Variants in TRAPPC9 observed in about 807,000 individuals in gnomAD.
The protein encoded by TRAPPC9 is IKK2 binding protein.
TRAPPC9 carries 83 observed loss-of-function variants against 124.0 expected under a neutral mutation model. The ratio of observed to expected loss-of-function variants is 0.67; its 90% confidence interval spans 0.56 to 0.80. The LOEUF (loss-of-function observed/expected upper bound fraction) is 0.80. Among genes scored for constraint, TRAPPC9 ranks in the 30% least tolerant of loss-of-function variants. The pLI is 0.00. For missense variants in TRAPPC9, 1,302 were observed against 1,508.3 expected, an observed-to-expected ratio of 0.86 and a Z score of 2.27; for synonymous variants, 638 against 617.5, an observed-to-expected ratio of 1.03 and a Z score of -0.49.
intron 17 of TRAPPC9, among the ~76,000 whole-genome samples, chr8:140,033,658 G>GTTTTTTTTTTTTTTTTTTTGTTTT (rs1840652480): frequency 7.1e-5 from 3 of 42,366 alleles, no homozygotes; most frequent in Non-Finnish European, 1.7e-4. Flanking sequence ...TCATAATGTG[G>GTTTTTTTTTTTTTTTTTTTGTTTT]TTTTTTTTTT....
intron 16 of TRAPPC9, among the ~76,000 whole-genome samples, chr8:140,245,220 G>A (rs2063952135): frequency 1.3e-5 from 2 of 152,190 alleles, no homozygotes; most frequent in Admixed American, 1.3e-4. Context: ...ACACGACACA[G>A]GTCCAGAAGC....
At chr8:139,990,749 G>A (rs1837585474) in intron 18 of TRAPPC9, among the ~76,000 whole-genome samples, 1 of 152,110 alleles carries the variant, frequency 6.6e-6, no homozygotes, top group Admixed American at 6.5e-5. Flanking sequence ...ACCATGCCCA[G>A]GTAATTTTTG....
intron 17 of TRAPPC9, among the ~76,000 whole-genome samples, chr8:140,220,660 C>T (rs140482944): frequency 1.3e-5 from 2 of 152,320 alleles, no homozygotes; most frequent in African/African-American, 4.8e-5. Flanking sequence ...GGTTGAGTGA[C>T]AGCAGCTCCA....
intron 21 of TRAPPC9, among the ~76,000 whole-genome samples, chr8:139,789,582 C>T (rs1822511689): frequency 6.6e-6 from 1 of 152,156 alleles, no homozygotes; most frequent in Non-Finnish European, 1.5e-5. Context: ...GGCATCTGCT[C>T]ATGTAACCTG....
At chr8:140,145,820 G>A (rs868342800) in intron 17 of TRAPPC9, among the ~76,000 whole-genome samples, 4 of 151,638 alleles carry the variant, frequency 2.6e-5, no homozygotes, top group African/African-American at 9.7e-5. Flanking sequence ...TTCATGAAAC[G>A]TTTACCTCAC....
intron 18 of TRAPPC9, among the ~76,000 whole-genome samples, chr8:140,016,571 C>A (rs1480558680): frequency 6.6e-6 from 1 of 152,172 alleles, no homozygotes; most frequent in Admixed American, 6.5e-5. Flanking sequence ...TGACTCGATT[C>A]CTTTGACCAG....
chr8:140,272,617 T>C (rs80072653), intron 15 of TRAPPC9, among the ~76,000 whole-genome samples: 3,300 of 152,020 alleles, frequency 0.022, 99 homozygotes, highest in African/African-American at 0.072. Context: ...TTTGGGCCCA[T>C]AGTTCCACAT....
intron 18 of TRAPPC9, among the ~76,000 whole-genome samples, chr8:140,018,924 T>C (rs1270473353): frequency 2.0e-5 from 3 of 152,256 alleles, no homozygotes; most frequent in Non-Finnish European, 4.4e-5. Context: ...CCTCTAAGTA[T>C]AACATTAACT....
At chr8:140,120,636 A>C (rs1002913331) in intron 17 of TRAPPC9, among the ~76,000 whole-genome samples, 1 of 130,564 alleles carries the variant, frequency 7.7e-6, no homozygotes, top group African/African-American at 3.0e-5. Flanking sequence ...AACATCCAAC[A>C]TCCATCCATC....
rs183245849 is a variant in TRAPPC9, at chr8:140,063,445, G to T, written c.2557-39366C>A. On this transcript the variant is annotated intron_variant, in intron 17 of 22. Transcript: ENST00000438773. This position sits in a 1 kb window ranked among gnomAD's most constrained non-coding sequence, Gnocchi z 4.3. ...GTTCTTAGAGCTCCTAGTTGATTTA[G>T]TGTATGTCCCTGTTAGCATGTGGCA... Among the ~76,000 whole-genome samples, 1 of 152,140 alleles carries T rather than the reference G, an allele frequency of 6.6e-6. No homozygotes were observed. Among genetic ancestry groups the T allele is most frequent in the African/African-American group, 2.4e-5 (1 of 41,432 alleles).
intron 16 of TRAPPC9, among the ~76,000 whole-genome samples, chr8:140,235,756 A>C (rs1401933917): frequency 1.3e-5 from 2 of 152,260 alleles, no homozygotes; most frequent in African/African-American, 2.4e-5. Flanking sequence ...AAGCCAACAT[A>C]AACCTGAGCT....
intron 3 of TRAPPC9, 141 bp from the exon 4 acceptor site, chr8:140,435,381 A>G (rs2070779384): frequency 1.6e-6 from 2 of 1,228,838 alleles, no homozygotes; most frequent in South Asian, 1.3e-5. Context: ...TGGAAATGCC[A>G]ATTTTTCTCC....
intron 19 of TRAPPC9, among the ~76,000 whole-genome samples, chr8:139,943,501 T>C (rs1053562578): frequency 5.3e-5 from 8 of 152,188 alleles, no homozygotes; most frequent in African/African-American, 1.4e-4. Flanking sequence ...CAGGATATAA[T>C]TGAAAGTTAA....
At chr8:140,297,330 T>TG in intron 11 of TRAPPC9, among the ~76,000 whole-genome samples, 1 of 130,928 alleles carries the variant, frequency 7.6e-6, no homozygotes, top group Non-Finnish European at 1.7e-5. Context: ...ATGCACACAC[T>TG]CATACACACA....
At chr8:139,734,404 C>T (rs1818025961) in intron 21 of TRAPPC9, among the ~76,000 whole-genome samples, 1 of 152,180 alleles carries the variant, frequency 6.6e-6, no homozygotes, top group South Asian at 2.1e-4. Context: ...TGGCTCGTGT[C>T]CACTGTTTTC....
At chr8:139,848,075 C>T (rs1255884318) in intron 21 of TRAPPC9, among the ~76,000 whole-genome samples, 1 of 152,204 alleles carries the variant, frequency 6.6e-6, no homozygotes, top group Non-Finnish European at 1.5e-5. Flanking sequence ...GGACAAATCA[C>T]ACCATCTAAA....
At chr8:140,139,176 C>A (rs1262934188) in intron 17 of TRAPPC9, among the ~76,000 whole-genome samples, 2 of 152,182 alleles carry the variant, frequency 1.3e-5, no homozygotes, top group African/African-American at 2.4e-5. Context: ...CTGAGGGGGA[C>A]AGCAAGTCAG....
At chr8:139,847,269 G>T (rs1446604272) in intron 21 of TRAPPC9, among the ~76,000 whole-genome samples, 1 of 152,224 alleles carries the variant, frequency 6.6e-6, no homozygotes, top group African/African-American at 2.4e-5. Flanking sequence ...CTGAGCGGGG[G>T]AAACACTCTT....
At chr8:139,899,231 C>T (rs552650244) in intron 20 of TRAPPC9, among the ~76,000 whole-genome samples, 7 of 151,702 alleles carry the variant, frequency 4.6e-5, no homozygotes, top group African/African-American at 1.5e-4. Flanking sequence ...CCTACACAGT[C>T]GAAAATCCAC....
Sources: gnomAD v4.1 joint callset for allele counts (sites outside exome capture counted in the v4.1 genomes callset) on GRCh38, gnomAD v4.1.1 for gene constraint, Gnocchi (gnomAD v3.1) non-coding constraint, MANE v1.5 for transcripts, NCBI Gene and HGNC (gene_info 2026-07-23, HGNC 2026-07-21) for gene names.